USH2A: variants seen among roughly 807,000 people sequenced by gnomAD.
USH2A encodes the protein usherin, also known as Usher syndrome 2A (autosomal recessive, mild).
In USH2A, 443 loss-of-function variants were observed where a neutral mutation model predicts 538.9. That is an observed-to-expected ratio of 0.82 (90% CI 0.76 to 0.89). The LOEUF is 0.89. USH2A is among the 40% of genes least tolerant of loss of function. USH2A has a pLI of 0.00. For synonymous variants in USH2A, 2,413 were observed against 2,273.5 expected (o/e 1.06, Z -1.75); for missense variants, 6,633 against 6,324.8 (o/e 1.05, Z -1.65).
In USH2A at chr1:215,878,746, A is replaced by G. The variant is rs1421052285; in HGVS notation, c.8558+18T>C. 15 of 1,612,292 alleles carry G rather than the reference A, an allele frequency of 9.3e-6. No homozygotes were observed. Among genetic ancestry groups the G allele is most frequent in the Non-Finnish European group, 1.2e-5 (14 of 1,178,776 alleles). On this transcript the variant is annotated intron_variant, in intron 42 of 71. Transcript: ENST00000307340. Reference sequence around the variant, plus strand: ...TAAGGACTACAGCAACATAAAAATCATAGTCACCTTCTCTTACCTCAAATT... The same window carrying G: ...TAAGGACTACAGCAACATAAAAATCGTAGTCACCTTCTCTTACCTCAAATT...
At chr1:215,647,497 T>G in intron 67 of USH2A, 25 bp downstream of exon 67, 1 of 1,612,836 alleles carries the variant, frequency 6.2e-7, no homozygotes, top group Non-Finnish European at 8.5e-7. Context: ...CTCTCTGGCT[T>G]ATGGTAGCAG....
At chr1:215,635,531 TTTTATTTATTTATTTATTTA>T (rs35379579) in intron 69 of USH2A, among the ~76,000 whole-genome samples, 2 of 142,068 alleles carry the variant, frequency 1.4e-5, no homozygotes, top group African/African-American at 2.6e-5. Context: ...GTAGGATTAT[TTTTATTTATTTATTTATTTA>T]TTTATTTATT....
At chr1:216,173,929 AC>A (rs1235861081) in intron 21 of USH2A, 1 of 965,080 alleles carries the variant, frequency 1.0e-6, no homozygotes, top group Non-Finnish European at 1.2e-6. Flanking sequence ...CCTTTTCCTT[AC>A]CTTTTTTTTC....
At chr1:216,289,136 A>G in intron 11 of USH2A, 144 bp downstream of exon 11, 2 of 1,242,086 alleles carry the variant, frequency 1.6e-6, no homozygotes, top group Non-Finnish European at 2.3e-6. Context: ...AAAGTTGCAC[A>G]CGAACAACCA....
intron 44 of USH2A, among the ~76,000 whole-genome samples, chr1:215,856,458 C>G (rs1662228285): frequency 6.6e-6 from 1 of 152,230 alleles, no homozygotes; most frequent in Admixed American, 6.5e-5. Context: ...TACTCAACAT[C>G]ACTAATGATC....
chr1:216,002,399 C>T (rs961749255), intron 32 of USH2A, among the ~76,000 whole-genome samples: 1 of 152,102 alleles, frequency 6.6e-6, no homozygotes, highest in Admixed American at 6.6e-5. Flanking sequence ...CTTGTCCTCC[C>T]TGAAAAAGAG....
At chr1:216,239,003 G>T (rs1186110595) in intron 13 of USH2A, among the ~76,000 whole-genome samples, 1 of 151,940 alleles carries the variant, frequency 6.6e-6, no homozygotes, top group Non-Finnish European at 1.5e-5. Context: ...TGTGCACATT[G>T]CAGGGCTGGC....
At chr1:215,804,836 T>C (rs1302626090) in intron 49 of USH2A, among the ~76,000 whole-genome samples, 1 of 152,158 alleles carries the variant, frequency 6.6e-6, no homozygotes, top group Non-Finnish European at 1.5e-5. Flanking sequence ...CATGCACACG[T>C]ATGTTTATTG....
chr1:215,934,883 A>G, intron 37 of USH2A, 88 bp from the exon 38 acceptor site: 3 of 1,268,726 alleles, frequency 2.4e-6, no homozygotes, highest in East Asian at 2.6e-5. Flanking sequence ...GTTTCTAAAT[A>G]TACTGTACCA....
chr1:215,807,063 AG>A (rs1435734137), intron 49 of USH2A, among the ~76,000 whole-genome samples: 1 of 152,200 alleles, frequency 6.6e-6, no homozygotes, highest in South Asian at 2.1e-4. Context: ...TACATGGCAA[AG>A]GGGAATGAAG....
intron 9 of USH2A, among the ~76,000 whole-genome samples, chr1:216,302,385 C>A (rs1292893840): frequency 6.6e-6 from 1 of 152,136 alleles, no homozygotes. Flanking sequence ...TTTTTACCTA[C>A]AGATTATGTA....
intron 21 of USH2A, among the ~76,000 whole-genome samples, chr1:216,109,664 C>T (rs1392990211): frequency 6.6e-6 from 1 of 152,158 alleles, no homozygotes; most frequent in Non-Finnish European, 1.5e-5. Context: ...TTTCTCTTGA[C>T]TCCAGTCAAT....
rs535307153 is a variant in USH2A at position 215,908,162 on chromosome 1, A to G, written c.7301-7257T>C. 6.6e-5 allele frequency among the ~76,000 whole-genome samples: 10 copies of G among 152,100 alleles called. No individual in the cohort carries two copies. In the East Asian group the frequency reaches 1.9e-3, roughly 30 times the overall value. ...AAGGCTAAGCAACGTCTCAATGAAT[A>G]GTAGATAGAAACCTGTGGTTTCATA... On this transcript the variant is annotated intron_variant, in intron 38 of 71. Transcript: ENST00000307340.
At chr1:216,104,619 T>A (rs569565426) in intron 21 of USH2A, among the ~76,000 whole-genome samples, 1 of 152,176 alleles carries the variant, frequency 6.6e-6, no homozygotes, top group African/African-American at 2.4e-5. Context: ...GCTAGCCATA[T>A]GTAGAAAGCT....
Position 216,292,187 on chromosome 1 carries a change from G to T in USH2A, c.1828C>A (p.His610Asn), listed in dbSNP as rs1460727463. Residue 610 changes from histidine to asparagine, a missense_variant, in exon 10 of 72, where the codon CAT (histidine) becomes AAT (asparagine). Transcript: ENST00000307340. ...GGGGVCDDCEHNTTGRNCELC... is the reference protein window; with the variant it reads ...GGGGVCDDCENNTTGRNCELC... Reference sequence around the variant, plus strand: ...ATTTGCTACTTACCTGTAGTGTTATGCTCACAATCATCACAAACTCCTCCT... The same window carrying T: ...ATTTGCTACTTACCTGTAGTGTTATTCTCACAATCATCACAAACTCCTCCT... The T allele has an allele frequency of 1.2e-6, 2 of 1,614,024 alleles. No homozygotes were observed. The highest frequency in any genetic ancestry group is 1.7e-6 in the Non-Finnish European group (2 of 1,179,952).
In USH2A at chr1:215,624,607, T is replaced by C. The variant is rs1655927822; in HGVS notation, c.*1174A>G. 1 of 152,140 alleles carries C rather than the reference T, an allele frequency of 6.6e-6. No individual in the cohort carries two copies. The highest frequency in any genetic ancestry group is 2.1e-4 in the South Asian group (1 of 4,828). 9.4% of individuals were successfully genotyped at this position (152,140 alleles called of 1,614,324 possible). ...GGATGATTTGCAAGAAAATTTTTCT[T>C]GCCATAGGACTTTCACCAATGACTT... is the stretch of plus-strand genomic sequence containing the variant. On this transcript the variant is annotated 3_prime_UTR_variant, in exon 72 of 72. Coordinates refer to ENST00000307340, the MANE Select transcript of USH2A (RefSeq NM_206933.4).
chr1:216,409,018 A>G lies in USH2A; in HGVS notation c.651+9496T>C, dbSNP rs185974809. Reference sequence around the variant, plus strand: ...AGACTGTGGTTGACTGTGGGTGACAAACAACAGAAAGCAAAGCCAAGGGTA... The same window carrying G: ...AGACTGTGGTTGACTGTGGGTGACAGACAACAGAAAGCAAAGCCAAGGGTA... On this transcript the variant is annotated intron_variant, in intron 3 of 71. Transcript: ENST00000307340. Among the ~76,000 whole-genome samples the G allele has an allele frequency of 9.1e-4, 139 of 152,306 alleles. No individual in the cohort carries two copies. In the Middle Eastern group the frequency reaches 0.027, roughly 30 times the overall value.
At chr1:215,841,272 T>A (rs1428822634) in intron 46 of USH2A, among the ~76,000 whole-genome samples, 1 of 152,116 alleles carries the variant, frequency 6.6e-6, no homozygotes, top group African/African-American at 2.4e-5. Context: ...GGTGGAGGCA[T>A]CACACTACCT....
At chr1:216,352,626 G>A (rs1041173892) in intron 4 of USH2A, among the ~76,000 whole-genome samples, 6 of 151,996 alleles carry the variant, frequency 3.9e-5, no homozygotes, top group Admixed American at 1.3e-4. Context: ...AAATGGGGGA[G>A]GGTCAAGAAT....
Sources: allele counts gnomAD v4.1 joint callset (sites outside exome capture counted in the v4.1 genomes callset), GRCh38; gene constraint gnomAD v4.1.1; transcripts MANE v1.5; gene names NCBI Gene and HGNC (gene_info 2026-07-23, HGNC 2026-07-21).